Variants in IDE observed in about 807,000 individuals in gnomAD.
IDE encodes insulin-degrading enzyme.
Under a neutral mutation model 133.2 loss-of-function variants are expected in IDE, and 58 were observed. The observed-to-expected ratio is 0.44, with a 90% CI of 0.35 to 0.54. The LOEUF (loss-of-function observed/expected upper bound fraction) is 0.54, where lower values mean the gene tolerates loss of function less well. Ranked by LOEUF, IDE falls within the 20% of genes least tolerant of loss-of-function variation. The pLI is 0.00. For synonymous variants in IDE, 396 were observed against 421.3 expected (o/e 0.94, Z 0.73); for missense variants, 981 against 1,234.0 (o/e 0.79, Z 3.07).
At chr10:92,538,586 C>T (rs1467191915) in intron 1 of IDE, among the ~76,000 whole-genome samples, 7 of 152,212 alleles carry the variant, frequency 4.6e-5, no homozygotes, top group African/African-American at 1.2e-4. Context: ...AAAGGGCTTC[C>T]TCTGACAGTC....
intron 18 of IDE, 66 bp from the exon 19 acceptor site, chr10:92,469,056 T>G: frequency 1.1e-6 from 1 of 891,540 alleles, no homozygotes; most frequent in Non-Finnish European, 1.8e-6. Flanking sequence ...TGAAATAAAC[T>G]GGCTTTGTTT....
chr10:92,514,816 G>T, intron 5 of IDE, 104 bp downstream of exon 5: 1 of 843,932 alleles, frequency 1.2e-6, no homozygotes, highest in Non-Finnish European at 1.8e-6. Context: ...AAGATGCTGA[G>T]CAAATAAGCA....
chr10:92,523,820 C>T (rs909356291), intron 4 of IDE, among the ~76,000 whole-genome samples: 4 of 151,782 alleles, frequency 2.6e-5, no homozygotes, highest in Non-Finnish European at 4.4e-5. Context: ...TTTTGTTGTT[C>T]CCACTCACTC....
intron 5 of IDE, 27 bp from the exon 6 acceptor site, chr10:92,510,189 G>C: frequency 8.6e-7 from 1 of 1,165,712 alleles, no homozygotes; most frequent in African/African-American, 1.5e-5. Flanking sequence ...AAGGAAAACA[G>C]AACTTAAGCG....
chr10:92,458,209 T>C (rs1455617702), intron 22 of IDE, among the ~76,000 whole-genome samples: 1 of 152,206 alleles, frequency 6.6e-6, no homozygotes, highest in Admixed American at 6.5e-5. Flanking sequence ...GAGATATTTA[T>C]AGGTATTCTG....
At chr10:92,557,861 C>T (rs1589540086) in intron 1 of IDE, among the ~76,000 whole-genome samples, 1 of 89,632 alleles carries the variant, frequency 1.1e-5, no homozygotes, top group Non-Finnish European at 2.0e-5. Context: ...GGCAACAGAG[C>T]AAGATTCCAC....
intron 7 of IDE, 84 bp from the exon 8 acceptor site, chr10:92,508,289 T>A: frequency 9.9e-7 from 1 of 1,007,202 alleles, no homozygotes. Context: ...ATTCATACTG[T>A]ATGTTCCTAA....
chr10:92,453,339 A>G lies in IDE; in HGVS notation c.*1105T>C, dbSNP rs1379304565. On this transcript the variant is annotated 3_prime_UTR_variant, in exon 25 of 25. Transcript: ENST00000265986. ...AGTCATCATCTGTGTTTATATGTTT[A>G]TATTTATATATTCAAAAAATAACTT... 6.6e-6 allele frequency: 1 copy of G among 152,108 alleles called. No homozygotes were observed. The highest frequency in any genetic ancestry group is 2.4e-5 in the African/African-American group (1 of 41,446). 9.4% of individuals were successfully genotyped at this position (152,108 alleles called of 1,614,324 possible).
chr10:92,475,752 G>C, intron 16 of IDE, 132 bp downstream of exon 16: 2 of 501,010 alleles, frequency 4.0e-6, no homozygotes, highest in Non-Finnish European at 6.9e-6. Context: ...GACAAGGTGA[G>C]ATGAATGCCA....
At chr10:92,529,243 A>G (rs539602044) in intron 4 of IDE, among the ~76,000 whole-genome samples, 1 of 152,324 alleles carries the variant, frequency 6.6e-6, no homozygotes, top group East Asian at 1.9e-4. Context: ...AATATGCATA[A>G]TATCTGAGAT....
intron 13 of IDE, among the ~76,000 whole-genome samples, chr10:92,485,365 C>T (rs1037073894): frequency 6.6e-6 from 1 of 152,038 alleles, no homozygotes; most frequent in African/African-American, 2.4e-5. Context: ...ATGATCCACT[C>T]GCCTCAGCCT....
intron 1 of IDE, among the ~76,000 whole-genome samples, chr10:92,554,545 T>TTA (rs1554852152): frequency 1.5e-5 from 2 of 137,594 alleles, no homozygotes; most frequent in Non-Finnish European, 1.5e-5. Context: ...AACAGTGTCT[T>TTA]AAAAAAAAAA....
intron 12 of IDE, 55 bp from the exon 13 acceptor site, chr10:92,487,373 A>G: frequency 6.8e-7 from 1 of 1,476,130 alleles, no homozygotes; most frequent in South Asian, 1.2e-5. Context: ...AAGAGTTTAA[A>G]ATAGTATCTC....
At chr10:92,555,838 C>T (rs1842976390) in intron 1 of IDE, among the ~76,000 whole-genome samples, 1 of 152,100 alleles carries the variant, frequency 6.6e-6, no homozygotes, top group Non-Finnish European at 1.5e-5. Context: ...TCTAAACAGA[C>T]CAATTAGGCA....
At chr10:92,468,626 C>A (rs968485455) in intron 19 of IDE, among the ~76,000 whole-genome samples, 3 of 152,128 alleles carry the variant, frequency 2.0e-5, no homozygotes, top group Non-Finnish European at 4.4e-5. Context: ...TCCTAATTCC[C>A]CTTCATTCAA....
chr10:92,497,123 C>T (rs1008274460), intron 11 of IDE, among the ~76,000 whole-genome samples: 3 of 152,198 alleles, frequency 2.0e-5, no homozygotes, highest in Non-Finnish European at 2.9e-5. Context: ...AGAATAACTT[C>T]TCCCAAATAA....
intron 1 of IDE, among the ~76,000 whole-genome samples, chr10:92,560,493 G>C (rs917641964): frequency 6.6e-6 from 1 of 152,102 alleles, no homozygotes; most frequent in Non-Finnish European, 1.5e-5. Context: ...CAAAGGTTGA[G>C]AGAAGTGAGC....
intron 1 of IDE, among the ~76,000 whole-genome samples, chr10:92,566,349 G>A (rs1435039889): frequency 6.6e-6 from 1 of 151,358 alleles, no homozygotes; most frequent in African/African-American, 2.4e-5. Context: ...CCCTGATCAC[G>A]CCACTGCACT....
intron 1 of IDE, among the ~76,000 whole-genome samples, chr10:92,555,724 T>A (rs1406055026): frequency 6.6e-6 from 1 of 152,166 alleles, no homozygotes; most frequent in Non-Finnish European, 1.5e-5. Context: ...AAGCTACTGC[T>A]AGCATCGTAC....
Sources: gnomAD v4.1 joint callset for allele counts (sites outside exome capture counted in the v4.1 genomes callset) on GRCh38, gnomAD v4.1.1 for gene constraint, MANE v1.5 for transcripts, NCBI Gene and HGNC (gene_info 2026-07-23, HGNC 2026-07-21) for gene names.